Variants in TLL1 observed in about 807,000 individuals in gnomAD.
TLL1 encodes tolloid-like protein 1.
Under a neutral mutation model 128.2 loss-of-function variants are expected in TLL1, and 49 were observed. That is an observed-to-expected ratio of 0.38 (90% CI 0.30 to 0.48). TLL1 has a LOEUF of 0.48. Ranked by LOEUF, TLL1 falls within the 20% of genes least tolerant of loss-of-function variation. TLL1 has a pLI of 0.96. For synonymous variants in TLL1, 454 were observed against 418.8 expected (o/e 1.08, Z -1.03); for missense variants, 1,123 against 1,242.0 (o/e 0.90, Z 1.44).
chr4:166,074,754 G>T, intron 16 of TLL1, 124 bp from the exon 17 acceptor site: 1 of 1,202,442 alleles, frequency 8.3e-7, no homozygotes, highest in Non-Finnish European at 1.2e-6. Flanking sequence ...GTTTTATGTT[G>T]GGAACAGGAG....
chr4:166,048,849 T>C (rs891001122), intron 12 of TLL1, among the ~76,000 whole-genome samples: 3 of 152,344 alleles, frequency 2.0e-5, no homozygotes, highest in Non-Finnish European at 4.4e-5. Flanking sequence ...ACTTTCCTTA[T>C]GAAAACCAGA....
rs185416671 is a variant in TLL1, at chr4:165,911,709, T to C, written c.169+37636T>C. 1.6e-3 allele frequency among the ~76,000 whole-genome samples: 245 copies of C among 152,266 alleles called. 2 individuals are homozygous for C. Among genetic ancestry groups the C allele is most frequent in the African/African-American group, 5.7e-3 (235 of 41,544 alleles). ...AGTAAACTGCTCAATGTTCTTCCTGTGTCTCGTATTGATATAACCCTACCT... is the reference window on the plus strand; with the variant it reads ...AGTAAACTGCTCAATGTTCTTCCTGCGTCTCGTATTGATATAACCCTACCT... On this transcript the variant is annotated intron_variant, in intron 1 of 20. Transcript: ENST00000061240.
At chr4:166,000,402 C>T (rs1429112212) in intron 5 of TLL1, among the ~76,000 whole-genome samples, 2 of 152,064 alleles carry the variant, frequency 1.3e-5, no homozygotes, top group Non-Finnish European at 2.9e-5. Context: ...TTCACAGGAC[C>T]ATTGTAAAAT....
At chr4:166,038,945 A>C (rs1739120685) in intron 9 of TLL1, among the ~76,000 whole-genome samples, 1 of 152,212 alleles carries the variant, frequency 6.6e-6, no homozygotes, top group South Asian at 2.1e-4. Context: ...TATTTTTTAA[A>C]AGACTTTCAT....
intron 1 of TLL1, among the ~76,000 whole-genome samples, chr4:165,928,779 T>A (rs556859899): frequency 1.3e-5 from 2 of 152,338 alleles, no homozygotes; most frequent in East Asian, 3.9e-4. Flanking sequence ...AGTCCCAAGA[T>A]TCCTTCGGAC....
chr4:165,974,384 C>T (rs1387692590), intron 1 of TLL1, among the ~76,000 whole-genome samples: 2 of 130,812 alleles, frequency 1.5e-5, no homozygotes, highest in Non-Finnish European at 1.5e-5. Context: ...TCGTGATCCG[C>T]CCGCCTCGGC....
At chr4:166,035,164 A>G (rs1327263008) in intron 9 of TLL1, among the ~76,000 whole-genome samples, 3 of 152,198 alleles carry the variant, frequency 2.0e-5, no homozygotes, top group Admixed American at 6.6e-5. Flanking sequence ...CTAGTGAGTG[A>G]TGATTCATCA....
chr4:165,877,279 G>A (rs1237539105), intron 1 of TLL1, among the ~76,000 whole-genome samples: 1 of 152,254 alleles, frequency 6.6e-6, no homozygotes, highest in Non-Finnish European at 1.5e-5. Context: ...AGGTGAGTCA[G>A]TGCAGCACAG....
chr4:166,073,200 GA>G (rs150297550), intron 16 of TLL1, among the ~76,000 whole-genome samples: 9,179 of 152,124 alleles, frequency 0.06, 465 homozygotes, highest in African/African-American at 0.13. Context: ...AAGTCAGAGT[GA>G]AAAACAAATT....
chr4:165,888,288 A>G (rs1171931665), intron 1 of TLL1, among the ~76,000 whole-genome samples: 3 of 152,178 alleles, frequency 2.0e-5, no homozygotes, highest in Non-Finnish European at 4.4e-5. Context: ...TTATCAAATT[A>G]GGAATTCTGT....
chr4:165,918,553 A>C (rs1035538755), intron 1 of TLL1, among the ~76,000 whole-genome samples: 104 of 152,194 alleles, frequency 6.8e-4, no homozygotes, highest in African/African-American at 2.3e-3. Context: ...ATTATAAAAA[A>C]CATTTTCTGG....
Position 165,873,758 on chromosome 4 carries a change from G to A in TLL1, c.-147G>A. The A allele has an allele frequency of 1.3e-6, 1 of 785,676 alleles. No individual in the cohort carries two copies. The highest frequency in any genetic ancestry group is 2.1e-6 in the Non-Finnish European group (1 of 478,630). 48.7% of individuals were successfully genotyped at this position (785,676 alleles called of 1,614,324 possible). On this transcript the variant is annotated 5_prime_UTR_variant, in exon 1 of 21. An upstream start codon of the reference 5' UTR is lost. Transcript: ENST00000061240. ...TCTACTGTCCCGGCGGCATCCACAT[G>A]TTTCCGGACACCTGAGCACCCCGGT...
At chr4:165,940,260 C>T (rs1414598764) in intron 1 of TLL1, among the ~76,000 whole-genome samples, 2 of 151,820 alleles carry the variant, frequency 1.3e-5, no homozygotes, top group Middle Eastern at 3.2e-3. Flanking sequence ...ATTTAATTGG[C>T]AATTAAATCT....
chr4:165,994,023 A>G (rs1579594999), intron 3 of TLL1, among the ~76,000 whole-genome samples: 3 of 152,258 alleles, frequency 2.0e-5, no homozygotes, highest in Admixed American at 2.0e-4. Context: ...TTATTAAACA[A>G]TATTTGTTTT....
chr4:166,087,210 G>A (rs1182723024), intron 18 of TLL1, among the ~76,000 whole-genome samples: 4 of 152,044 alleles, frequency 2.6e-5, no homozygotes, highest in Non-Finnish European at 5.9e-5. Flanking sequence ...ATCATTTTTA[G>A]TTGATTTATC....
At chr4:166,058,116 A>G (rs1373405240) in intron 14 of TLL1, among the ~76,000 whole-genome samples, 1 of 151,880 alleles carries the variant, frequency 6.6e-6, no homozygotes, top group East Asian at 1.9e-4. Context: ...CTAGATCTAG[A>G]TTTTTATCTA....
At position 166,020,260 on chromosome 4, in the gene TLL1, C is replaced by T. The variant is rs751192462; in HGVS notation, c.1043-5056C>T. Among the ~76,000 whole-genome samples the T allele has an allele frequency of 2.6e-5, 4 of 152,140 alleles. No individual in the cohort carries two copies. The South Asian group carries it at 6.2e-4, about 24-fold the overall frequency. On this transcript the variant is annotated intron_variant, in intron 8 of 20. Coordinates refer to ENST00000061240, the MANE Select transcript of TLL1 (RefSeq NM_012464.5). Reference sequence around the variant, plus strand: ...TTTATGATGGTTTCCAAGCCTTTCACGCATAAGGCATTTTAAAGGACAACT... The same window carrying T: ...TTTATGATGGTTTCCAAGCCTTTCATGCATAAGGCATTTTAAAGGACAACT...
chr4:166,035,516 A>T (rs78894508), intron 9 of TLL1, among the ~76,000 whole-genome samples: 7 of 152,152 alleles, frequency 4.6e-5, no homozygotes, highest in African/African-American at 1.7e-4. Context: ...AGCAGTTAAG[A>T]TTCATTCAAC....
intron 18 of TLL1, among the ~76,000 whole-genome samples, chr4:166,089,482 T>A (rs28533863): frequency 0.018 from 2,808 of 152,232 alleles, 88 homozygotes; most frequent in African/African-American, 0.062. Flanking sequence ...TTCAGAATCT[T>A]CTGCATCCTA....
Sources: gnomAD v4.1 joint callset for allele counts (sites outside exome capture counted in the v4.1 genomes callset) on GRCh38, gnomAD v4.1.1 for gene constraint, MANE v1.5 for transcripts, NCBI Gene and HGNC (gene_info 2026-07-23, HGNC 2026-07-21) for gene names.